DYM: variants seen among roughly 807,000 people sequenced by gnomAD.
The protein encoded by DYM is dymeclin, also known as dyggve-Melchior-Clausen syndrome protein.
In DYM, 78 loss-of-function variants were observed where a neutral mutation model predicts 93.1. The ratio of observed to expected loss-of-function variants is 0.84; its 90% CI spans 0.70 to 1.01. DYM has a LOEUF of 1.01. DYM is among the 50% of genes least tolerant of loss of function. DYM has a pLI of 0.00. For synonymous variants in DYM, 321 were observed against 319.7 expected, an observed-to-expected ratio of 1.00 and a Z score of -0.04; for missense variants, 789 against 845.0, an observed-to-expected ratio of 0.93 and a Z score of 0.82.
At chr18:49,434,346 CAA>C (rs60975784) in intron 1 of DYM, among the ~76,000 whole-genome samples, 54,646 of 134,562 alleles carry the variant, frequency 0.41, 10,733 homozygotes, top group East Asian at 0.58. Context: ...GACTCCATCT[CAA>C]AAAAAAAAAA....
At chr18:49,423,970 A>C (rs1290618918) in intron 2 of DYM, among the ~76,000 whole-genome samples, 2 of 152,228 alleles carry the variant, frequency 1.3e-5, no homozygotes, top group African/African-American at 4.8e-5. Flanking sequence ...CCAGAGGTAC[A>C]AAGAGGAGCT....
chr18:49,170,001 C>T (rs1377638706), intron 14 of DYM, among the ~76,000 whole-genome samples: 3 of 152,112 alleles, frequency 2.0e-5, no homozygotes, highest in African/African-American at 7.2e-5. Flanking sequence ...ACTTGGGAAA[C>T]ACAGTGGCTA....
At chr18:49,289,879 T>C (rs1342605155) in intron 8 of DYM, among the ~76,000 whole-genome samples, 1 of 148,986 alleles carries the variant, frequency 6.7e-6, no homozygotes, top group African/African-American at 2.5e-5. Flanking sequence ...AAAAATGTAA[T>C]GATGATGAGA....
intron 13 of DYM, among the ~76,000 whole-genome samples, chr18:49,219,829 T>C (rs900347307): frequency 1.3e-4 from 20 of 151,542 alleles, no homozygotes; most frequent in South Asian, 1.3e-3. Context: ...TGGAAGCATT[T>C]CCTTTGAAAA....
intron 8 of DYM, among the ~76,000 whole-genome samples, chr18:49,293,548 G>A (rs2060315697): frequency 1.3e-5 from 2 of 152,122 alleles, no homozygotes; most frequent in Admixed American, 1.3e-4. Flanking sequence ...ATCTCATTGT[G>A]GTTTTGATTT....
intron 14 of DYM, among the ~76,000 whole-genome samples, chr18:49,168,062 G>GT (rs1276100368): frequency 6.6e-6 from 1 of 152,030 alleles, no homozygotes; most frequent in Non-Finnish European, 1.5e-5. Flanking sequence ...CTGATTTTAT[G>GT]TTTTTAAAAT....
chr18:49,458,985 G>T (rs1301918343), intron 1 of DYM, among the ~76,000 whole-genome samples: 8 of 152,174 alleles, frequency 5.3e-5, no homozygotes. Context: ...AATTAAATTG[G>T]CATGAGTTAA....
intron 13 of DYM, among the ~76,000 whole-genome samples, chr18:49,226,265 T>C (rs949587275): frequency 2.0e-5 from 3 of 152,182 alleles, no homozygotes; most frequent in African/African-American, 7.2e-5. Flanking sequence ...GTACCATCTA[T>C]ATTTACAGGT....
chr18:49,182,239 A>T (rs966500381), intron 14 of DYM, among the ~76,000 whole-genome samples: 2 of 152,152 alleles, frequency 1.3e-5, no homozygotes, highest in Non-Finnish European at 2.9e-5. Context: ...TTTGTTGGCA[A>T]ATGTTCCTAT....
At chr18:49,192,947 G>T (rs990617665) in intron 14 of DYM, among the ~76,000 whole-genome samples, 4 of 152,140 alleles carry the variant, frequency 2.6e-5, no homozygotes, top group South Asian at 2.1e-4. Flanking sequence ...CAAAGCCCCA[G>T]TTAGGCAGGA....
chr18:49,401,815 C>A (rs1285830364), intron 2 of DYM, among the ~76,000 whole-genome samples: 1 of 152,048 alleles, frequency 6.6e-6, no homozygotes, highest in Non-Finnish European at 1.5e-5. Context: ...CACCTGAAAT[C>A]AGGAGTTCAA....
At chr18:49,244,688 T>C (rs2094123525) in intron 13 of DYM, among the ~76,000 whole-genome samples, 1 of 152,150 alleles carries the variant, frequency 6.6e-6, no homozygotes, top group Admixed American at 6.5e-5. Flanking sequence ...GTGTGACGGA[T>C]ACCAGCTTCA....
intron 15 of DYM, among the ~76,000 whole-genome samples, chr18:49,142,211 T>C (rs1338574212): frequency 6.6e-6 from 1 of 152,138 alleles, no homozygotes; most frequent in Non-Finnish European, 1.5e-5. Context: ...ATTTATTCCA[T>C]ATTTTGCTTC....
intron 16 of DYM, among the ~76,000 whole-genome samples, chr18:49,115,723 A>G (rs1380381682): frequency 6.6e-6 from 1 of 152,222 alleles, no homozygotes; most frequent in Admixed American, 6.5e-5. Context: ...AAAGAGATAC[A>G]TTAATAAACA....
chr18:49,106,590 G>C (rs1318429479), intron 16 of DYM, among the ~76,000 whole-genome samples: 1 of 152,150 alleles, frequency 6.6e-6, no homozygotes, highest in Non-Finnish European at 1.5e-5. Flanking sequence ...AGCTCTTTTA[G>C]GGCAGGCCTG....
rs565982948 is a variant in DYM, at chr18:49,192,413, T to C, written c.1625+17138A>G. On this transcript the variant is annotated intron_variant, in intron 14 of 17. Transcript: ENST00000675505. ...AGTAGTTTAACAGTTTCAGGTCTTA[T>C]GCTGAAGATGTTAATCCAATTTGAT... is the stretch of plus-strand genomic sequence containing the variant. Among the ~76,000 whole-genome samples, 5 of 152,360 alleles carry C rather than the reference T, an allele frequency of 3.3e-5. No homozygotes were observed. In the South Asian group the frequency reaches 8.3e-4, roughly 25 times the overall value.
chr18:49,287,215 T>C (rs1260853834), intron 8 of DYM, among the ~76,000 whole-genome samples: 1 of 151,930 alleles, frequency 6.6e-6, no homozygotes, highest in Non-Finnish European at 1.5e-5. Context: ...AAATGCATTA[T>C]GATCAAGAGG....
At chr18:49,131,067 C>T (rs777056638) in intron 15 of DYM, among the ~76,000 whole-genome samples, 6 of 152,122 alleles carry the variant, frequency 3.9e-5, no homozygotes, top group African/African-American at 1.2e-4. Flanking sequence ...TATGGTCTTG[C>T]GTAGCAGATA....
At chr18:49,062,430 G>A (rs993256545) in intron 17 of DYM, among the ~76,000 whole-genome samples, 5 of 152,140 alleles carry the variant, frequency 3.3e-5, no homozygotes, top group Non-Finnish European at 5.9e-5. Context: ...TGGGATCTCC[G>A]AGGCCTGCAA....
Sources: allele counts gnomAD v4.1 joint callset (sites outside exome capture counted in the v4.1 genomes callset), GRCh38; gene constraint gnomAD v4.1.1; transcripts MANE v1.5; gene names NCBI Gene and HGNC (gene_info 2026-07-23, HGNC 2026-07-21).